Variants in TMTC2 observed in about 807,000 individuals in gnomAD.
The protein encoded by TMTC2 is protein O-mannosyl-transferase TMTC2.
Under a neutral mutation model 82.4 loss-of-function variants are expected in TMTC2, and 43 were observed. That is an observed-to-expected ratio of 0.52 (90% CI 0.41 to 0.67). TMTC2 has a LOEUF of 0.67. TMTC2 is among the 30% of genes least tolerant of loss of function. The probability of loss-of-function intolerance (pLI) is 0.00; values close to 1 mark genes in which losing one functional copy is unlikely to be tolerated. For missense variants in TMTC2, 919 were observed against 1,012.4 expected, an observed-to-expected ratio of 0.91 and a Z score of 1.25; for synonymous variants, 408 against 381.9, an observed-to-expected ratio of 1.07 and a Z score of -0.80.
At chr12:82,795,816 TC>T (rs1386371942) in intron 1 of TMTC2, among the ~76,000 whole-genome samples, 2 of 152,128 alleles carry the variant, frequency 1.3e-5, no homozygotes, top group Non-Finnish European at 2.9e-5. Context: ...ATCTTGGACT[TC>T]CTAGCTTGCA....
At position 82,896,288 on chromosome 12, in the gene TMTC2, T is replaced by C. The variant is rs753645900; in HGVS notation, c.1125T>C (p.Asn375=). The change falls in exon 3 of 12, where the codon AAT becomes AAC. Residue 375 remains asparagine, a synonymous_variant. Coordinates refer to ENST00000321196, the MANE Select transcript of TMTC2 (RefSeq NM_152588.3). The part of the protein sequence containing the change: ...TKSSFASKVE[N]GIKNDVSQRT... ...CCAGCTTTGCATCCAAAGTAGAAAATGGCATTAAAAACGATGTATCACAGA... is the reference window on the plus strand; with the variant it reads ...CCAGCTTTGCATCCAAAGTAGAAAACGGCATTAAAAACGATGTATCACAGA... 3 of 1,614,112 alleles carry C rather than the reference T, an allele frequency of 1.9e-6. No individual in the cohort carries two copies. The highest frequency in any genetic ancestry group is 8.5e-7 in the Non-Finnish European group (1 of 1,180,036).
chr12:82,726,857 C>T lies in TMTC2; in HGVS notation c.83+39188C>T, dbSNP rs567249924. ...TGGCGCCACTGCACTCCAGCCTGGG[C>T]GAGAGTGCAAGACTCTGTCTCAAAA... On this transcript the variant is annotated intron_variant, in intron 1 of 11. Coordinates refer to ENST00000321196, the MANE Select transcript of TMTC2 (RefSeq NM_152588.3). Among the ~76,000 whole-genome samples, 14 of 124,874 alleles carry T rather than the reference C, an allele frequency of 1.1e-4. No homozygotes were observed. In the East Asian group the frequency reaches 1.7e-3, roughly 15 times the overall value. The allele number at this position is 124,874 out of a possible 152,430, so 81.9% of individuals were successfully genotyped here. A position where few individuals can be genotyped will look rare whatever the true frequency, so the allele number is the denominator to read the frequency against.
At chr12:82,937,607 G>T (rs745584118) in intron 4 of TMTC2, among the ~76,000 whole-genome samples, 1 of 151,838 alleles carries the variant, frequency 6.6e-6, no homozygotes, top group Admixed American at 6.6e-5. Context: ...GTGTAAAAGA[G>T]ATAGGGCCCA....
In TMTC2 at chr12:83,004,108, A is replaced by C. The variant is rs115572438; in HGVS notation, c.2070+18062A>C. Among the ~76,000 whole-genome samples, 688 of 152,192 alleles carry C rather than the reference A, an allele frequency of 4.5e-3. 9 individuals carry two copies. The highest frequency in any genetic ancestry group is 0.016 in the African/African-American group (661 of 41,532). On this transcript the variant is annotated intron_variant, in intron 8 of 11. Transcript: ENST00000321196. ...TTTTTTGTCTTTCTGCATTGATTCA[A>C]ATAATTAGTCTTTGAGCTCTGAGAT...
intron 2 of TMTC2, among the ~76,000 whole-genome samples, chr12:82,873,490 A>G (rs59508042): frequency 0.02 from 3,079 of 152,202 alleles, 104 homozygotes; most frequent in African/African-American, 0.071. Context: ...CAAAACTATG[A>G]TAAATTGTAG....
intron 8 of TMTC2, among the ~76,000 whole-genome samples, chr12:83,023,276 A>T (rs546572991): frequency 2.6e-5 from 4 of 152,246 alleles, no homozygotes; most frequent in Non-Finnish European, 5.9e-5. Context: ...AACCGAATAC[A>T]TGTTTCTTTA....
intron 1 of TMTC2, among the ~76,000 whole-genome samples, chr12:82,793,154 C>A (rs1878548612): frequency 6.6e-6 from 1 of 152,116 alleles, no homozygotes; most frequent in Admixed American, 6.5e-5. Flanking sequence ...ATCCTCACTA[C>A]CTAGCTATTT....
At chr12:83,007,208 T>C (rs73150413) in intron 8 of TMTC2, among the ~76,000 whole-genome samples, 10,768 of 152,204 alleles carry the variant, frequency 0.071, 523 homozygotes, top group African/African-American at 0.13. Flanking sequence ...TTCTAATCTT[T>C]ATTGTTTCCT....
chr12:82,794,386 G>A (rs1449556929), intron 1 of TMTC2, among the ~76,000 whole-genome samples: 3 of 152,102 alleles, frequency 2.0e-5, no homozygotes, highest in Non-Finnish European at 4.4e-5. Flanking sequence ...GTGTTGGGGG[G>A]AAACACAAAT....
chr12:82,821,726 T>C (rs1379513429), intron 1 of TMTC2, among the ~76,000 whole-genome samples: 2 of 151,730 alleles, frequency 1.3e-5, no homozygotes, highest in Non-Finnish European at 2.9e-5. Flanking sequence ...CAAAAAAAAT[T>C]AGCCGGGCAC....
intron 2 of TMTC2, among the ~76,000 whole-genome samples, chr12:82,884,928 C>T (rs146655267): frequency 3.4e-4 from 52 of 152,242 alleles, no homozygotes; most frequent in Non-Finnish European, 5.6e-4. Flanking sequence ...GGGTCTAGCT[C>T]TGTTACCCAC....
chr12:82,876,046 T>C (rs1344970736), intron 2 of TMTC2, among the ~76,000 whole-genome samples: 14 of 118,692 alleles, frequency 1.2e-4, no homozygotes, highest in African/African-American at 3.9e-4. Context: ...GTGGTGGTGG[T>C]GGTGGTGGTG....
At chr12:82,691,026 A>C (rs1293686668) in intron 1 of TMTC2, among the ~76,000 whole-genome samples, 2 of 152,222 alleles carry the variant, frequency 1.3e-5, no homozygotes, top group African/African-American at 2.4e-5. Flanking sequence ...AAAGGTAAAC[A>C]AACCATAACT....
At chr12:82,892,928 T>C (rs1873469873) in intron 2 of TMTC2, among the ~76,000 whole-genome samples, 2 of 152,226 alleles carry the variant, frequency 1.3e-5, no homozygotes, top group East Asian at 3.8e-4. Flanking sequence ...TTACAAGCTC[T>C]TAAGCATGGT....
intron 1 of TMTC2, among the ~76,000 whole-genome samples, chr12:82,699,052 C>G (rs1441486073): frequency 1.3e-5 from 2 of 152,102 alleles, no homozygotes. Context: ...GTAACTGAAA[C>G]CATGGATAAG....
At chr12:83,126,198 T>G (rs1885092305) in intron 11 of TMTC2, among the ~76,000 whole-genome samples, 1 of 152,084 alleles carries the variant, frequency 6.6e-6, no homozygotes, top group Non-Finnish European at 1.5e-5. Context: ...AAATTAAAAT[T>G]TATAAATAAT....
At chr12:82,802,034 CCA>C (rs140265755) in intron 1 of TMTC2, among the ~76,000 whole-genome samples, 36,170 of 151,948 alleles carry the variant, frequency 0.24, 5,062 homozygotes, top group Middle Eastern at 0.38. Flanking sequence ...CGCCGTGCGC[CCA>C]CACACTCCTC....
chr12:82,726,698 G>A (rs1874467207), intron 1 of TMTC2, among the ~76,000 whole-genome samples: 1 of 151,976 alleles, frequency 6.6e-6, no homozygotes, highest in Non-Finnish European at 1.5e-5. Flanking sequence ...GGCTAACACG[G>A]TGAAACCCTG....
chr12:83,077,571 C>CT (rs902138679), intron 11 of TMTC2, among the ~76,000 whole-genome samples: 6 of 150,238 alleles, frequency 4.0e-5, no homozygotes, highest in South Asian at 4.2e-4. Flanking sequence ...GTTAATGTGT[C>CT]TTTTTTTTTA....
Sources: allele counts gnomAD v4.1 joint callset (sites outside exome capture counted in the v4.1 genomes callset), GRCh38; gene constraint gnomAD v4.1.1; transcripts MANE v1.5; gene names NCBI Gene and HGNC (gene_info 2026-07-23, HGNC 2026-07-21).